Variants in RGS22 observed in about 807,000 individuals in gnomAD.
RGS22 encodes the protein regulator of G-protein signaling 22.
In RGS22, 148 loss-of-function variants were observed where a neutral mutation model predicts 172.9. The observed-to-expected ratio is 0.86, with a 90% CI of 0.75 to 0.98. The LOEUF is 0.98. RGS22 is among the 50% of genes least tolerant of loss of function. The probability of loss-of-function intolerance (pLI) is 0.00; values close to 1 mark genes in which losing one functional copy is unlikely to be tolerated. For missense variants in RGS22, 1,347 were observed against 1,440.8 expected (o/e 0.93, Z 1.05); for synonymous variants, 458 against 480.2 (o/e 0.95, Z 0.60).
At chr8:99,992,988 A>T (rs1194772164) in intron 20 of RGS22, among the ~76,000 whole-genome samples, 3 of 152,228 alleles carry the variant, frequency 2.0e-5, no homozygotes, top group African/African-American at 7.2e-5. Flanking sequence ...AACTACATGG[A>T]AACTGAACAA....
intron 3 of RGS22, 71 bp from the exon 4 acceptor site, chr8:100,080,426 T>A: frequency 9.2e-7 from 1 of 1,091,398 alleles, no homozygotes; most frequent in East Asian, 2.6e-5. Context: ...AGAAGACTTG[T>A]GGTTTACATA....
chr8:99,971,374 G>A lies in RGS22; in HGVS notation c.3520-5944C>T, dbSNP rs185467043. Reference sequence around the variant, plus strand: ...TCAACATAGTATTGGAAGTTCTGGCGAGGGCAATCAGGCAAGAGAAAGAAA... The same window carrying A: ...TCAACATAGTATTGGAAGTTCTGGCAAGGGCAATCAGGCAAGAGAAAGAAA... On this transcript the variant is annotated intron_variant, in intron 23 of 27. Coordinates refer to ENST00000360863, the MANE Select transcript of RGS22 (RefSeq NM_015668.5). Among the ~76,000 whole-genome samples, 41 of 152,138 alleles carry A rather than the reference G, an allele frequency of 2.7e-4. No homozygotes were observed. In the Middle Eastern group the frequency reaches 0.01, roughly 38 times the overall value.
chr8:99,988,167 T>A (rs12543409), intron 20 of RGS22, among the ~76,000 whole-genome samples: 3,679 of 151,532 alleles, frequency 0.024, 361 homozygotes, highest in East Asian at 0.21. Context: ...AGATGAGACA[T>A]CTTTATGTTA....
chr8:100,088,209 A>C (rs907231542), intron 3 of RGS22, among the ~76,000 whole-genome samples: 7 of 152,164 alleles, frequency 4.6e-5, no homozygotes, highest in African/African-American at 1.7e-4. Context: ...AGTCCAAAAA[A>C]AGAAGTTATG....
intron 9 of RGS22, among the ~76,000 whole-genome samples, chr8:100,058,814 C>CTTTTT (rs1809861654): frequency 3.9e-5 from 6 of 152,070 alleles, no homozygotes; most frequent in Non-Finnish European, 8.8e-5. Flanking sequence ...AGGTATAAAA[C>CTTTTT]ACACAGGTAA....
chr8:100,035,371 T>C (rs1819329591), intron 14 of RGS22, among the ~76,000 whole-genome samples: 1 of 152,206 alleles, frequency 6.6e-6, no homozygotes, highest in Non-Finnish European at 1.5e-5. Context: ...TCATCATCAC[T>C]GACCATCAGA....
chr8:100,035,860 A>G (rs1156525488), intron 14 of RGS22, among the ~76,000 whole-genome samples: 1 of 152,232 alleles, frequency 6.6e-6, no homozygotes, highest in Non-Finnish European at 1.5e-5. Context: ...TCACAAGGAC[A>G]GAAAACCAAA....
chr8:100,078,864 C>T (rs1210139905), intron 4 of RGS22, among the ~76,000 whole-genome samples: 1 of 152,152 alleles, frequency 6.6e-6, no homozygotes, highest in Non-Finnish European at 1.5e-5. Flanking sequence ...TGAGCTCAGG[C>T]AATCCACCTG....
At chr8:99,969,779 T>C (rs1338006955) in intron 23 of RGS22, among the ~76,000 whole-genome samples, 2 of 152,172 alleles carry the variant, frequency 1.3e-5, no homozygotes, top group Non-Finnish European at 2.9e-5. Context: ...CATACGATAA[T>C]ACTGGGAGAC....
chr8:99,996,758 T>A (rs1238559539), intron 19 of RGS22, among the ~76,000 whole-genome samples: 1 of 152,156 alleles, frequency 6.6e-6, no homozygotes, highest in East Asian at 1.9e-4. Flanking sequence ...ACCCGATTGT[T>A]ATTGCCCCAA....
At chr8:100,062,873 T>C (rs1442733090) in intron 8 of RGS22, 121 bp from the exon 9 acceptor site, 5 of 763,440 alleles carry the variant, frequency 6.5e-6, no homozygotes, top group Admixed American at 6.4e-5. Context: ...AACAGGGTTC[T>C]CTTAAGGTTC....
At chr8:100,019,801 A>G (rs1475604207) in intron 14 of RGS22, among the ~76,000 whole-genome samples, 1 of 152,166 alleles carries the variant, frequency 6.6e-6, no homozygotes, top group East Asian at 1.9e-4. Context: ...TTTAATATGT[A>G]TCTTTCACAT....
chr8:100,056,796 G>C (rs1330540768), intron 9 of RGS22, among the ~76,000 whole-genome samples: 1 of 152,224 alleles, frequency 6.6e-6, no homozygotes, highest in African/African-American at 2.4e-5. Context: ...GGCACTCATG[G>C]AGAACCTCTG....
At chr8:100,054,190 G>T (rs892212024) in intron 9 of RGS22, 1 of 152,194 alleles carries the variant, frequency 6.6e-6, no homozygotes, top group Non-Finnish European at 1.5e-5. Flanking sequence ...CCAGCTGTAA[G>T]AGCCTGCTGC....
Position 100,062,751 on chromosome 8 carries a change from G to A in RGS22, c.1354C>T (p.His452Tyr). The change falls in exon 9 of 28, where the codon CAT (histidine) becomes TAT (tyrosine). Residue 452 changes from histidine to tyrosine, a missense_variant and splice_region_variant. Coordinates refer to ENST00000360863, the MANE Select transcript of RGS22 (RefSeq NM_015668.5). ...VLKDPGRHQR[H>Y]LEKMKKCYLV... Reference sequence around the variant, plus strand: ...TAGCATTTTTTCATCTTCTCAAGATGTCTGAAATAAAACACATTTCCATAT... The same window carrying A: ...TAGCATTTTTTCATCTTCTCAAGATATCTGAAATAAAACACATTTCCATAT... The A allele has an allele frequency of 6.3e-7, 1 of 1,594,260 alleles. No individual in the cohort carries two copies. The highest frequency in any genetic ancestry group is 2.3e-5 in the East Asian group (1 of 44,008).
intron 10 of RGS22, among the ~76,000 whole-genome samples, chr8:100,051,109 A>G (rs745924328): frequency 1.3e-5 from 2 of 152,130 alleles, no homozygotes; most frequent in African/African-American, 2.4e-5. Flanking sequence ...TTGAGCAGAC[A>G]CCTAAAGGAA....
chr8:100,101,179 C>T (rs1813443632), intron 2 of RGS22, among the ~76,000 whole-genome samples: 1 of 152,062 alleles, frequency 6.6e-6, no homozygotes, highest in South Asian at 2.1e-4. Context: ...TTAATGCACT[C>T]TATTTTAATG....
At chr8:99,971,340 C>A (rs552800015) in intron 23 of RGS22, among the ~76,000 whole-genome samples, 1 of 152,302 alleles carries the variant, frequency 6.6e-6, no homozygotes, top group South Asian at 2.1e-4. Context: ...CCTCTCTCAC[C>A]ATTCCTATTC....
intron 23 of RGS22, among the ~76,000 whole-genome samples, chr8:99,968,628 T>A (rs1387679562): frequency 2.0e-5 from 3 of 151,890 alleles, no homozygotes; most frequent in Admixed American, 1.3e-4. Flanking sequence ...GAAGAAAGGA[T>A]ATCAGAGATT....
Sources: gnomAD v4.1 joint callset for allele counts (sites outside exome capture counted in the v4.1 genomes callset) on GRCh38, gnomAD v4.1.1 for gene constraint, MANE v1.5 for transcripts, NCBI Gene and HGNC (gene_info 2026-07-23, HGNC 2026-07-21) for gene names.